KIF26A: variants seen among roughly 807,000 people sequenced by gnomAD.
KIF26A encodes the protein kinesin-like protein KIF26A.
KIF26A carries 74 observed loss-of-function variants against 126.0 expected under a neutral mutation model. The ratio of observed to expected loss-of-function variants is 0.59; its 90% CI spans 0.49 to 0.71. KIF26A has a LOEUF of 0.71. Ranked by LOEUF, KIF26A falls within the 30% of genes least tolerant of loss-of-function variation. KIF26A has a pLI of 0.00. For synonymous variants in KIF26A, 1,445 were observed against 1,232.7 expected (o/e 1.17, Z -3.61); for missense variants, 2,984 against 2,763.3 (o/e 1.08, Z -1.79).
Position 104,177,522 on chromosome 14 carries a change from A to G in KIF26A, c.4734A>G (p.Arg1578=), listed in dbSNP as rs2487300. 631,050 of 1,535,344 alleles carry G rather than the reference A, an allele frequency of 0.41. 134,336 individuals are homozygous for G. The highest frequency in any genetic ancestry group is 0.7 in the African/African-American group (50,792 of 72,848). The part of the protein sequence containing the change: ...HELSASGAPG[R]GGSSWGSADS... The stretch of plus-strand genomic sequence containing the variant: ...TGTCAGCCAGTGGAGCCCCGGGCCG[A>G]GGTGGCTCCTCGTGGGGCTCGGCGG... Residue 1578 remains arginine, a synonymous_variant, in exon 12 of 15, where the codon CGA becomes CGG. Coordinates refer to ENST00000423312, the MANE Select transcript of KIF26A (RefSeq NM_015656.2).
chr14:104,165,117 C>G (rs955949882), intron 4 of KIF26A, among the ~76,000 whole-genome samples: 5 of 145,546 alleles, frequency 3.4e-5, no homozygotes, highest in Non-Finnish European at 7.5e-5. Flanking sequence ...GTGTGTGTGT[C>G]TCTGCATGTA....
chr14:104,167,306 G>A (rs569246094), intron 5 of KIF26A, among the ~76,000 whole-genome samples: 21 of 152,072 alleles, frequency 1.4e-4, no homozygotes, highest in Non-Finnish European at 1.8e-4. Context: ...TTCAGCGTGG[G>A]GCGGGACAGC....
chr14:104,161,353 A>G (rs2037831194), intron 4 of KIF26A, among the ~76,000 whole-genome samples: 1 of 152,126 alleles, frequency 6.6e-6, no homozygotes, highest in South Asian at 2.1e-4. Context: ...CGCACGGCCC[A>G]GTGTGGAAGC....
rs2037735999 is a variant in KIF26A at position 104,152,207 on chromosome 14, C to T, written c.481C>T (p.Leu161Phe). The change falls in exon 3 of 15, where the codon CTC (leucine) becomes TTC (phenylalanine). Residue 161 changes from leucine (L) to phenylalanine (F), a missense_variant. Transcript: ENST00000423312. This position sits in a 1 kb window ranked among gnomAD's most constrained non-coding sequence, Gnocchi z 5.9. ...TGACGCCCCCCATGGAGGCCCCAGC[C>T]TCGCACCCCCCAGCACCACGACCAG... Reference protein sequence around the residue: ...DLDAPHGGPSLAPPSTTTSSR... With the variant: ...DLDAPHGGPSFAPPSTTTSSR... 3 of 1,603,006 alleles carry T rather than the reference C, an allele frequency of 1.9e-6. No individual in the cohort carries two copies. Among genetic ancestry groups the T allele is most frequent in the South Asian group, 1.1e-5 (1 of 89,640 alleles).
In KIF26A at chr14:104,173,441, C is replaced by T. The variant is rs1264284842; in HGVS notation, c.1795C>T (p.Arg599Ter). The change falls in exon 9 of 15, where the codon CGA becomes TGA. Residue 599 changes from arginine to a stop codon, truncating the protein, a stop_gained. Coordinates refer to ENST00000423312, the MANE Select transcript of KIF26A (RefSeq NM_015656.2). LOFTEE classifies it high-confidence loss of function. ...CCGAGCGGGCTGTGGCGAGGACGCC[C>T]GACGCAGCTCCCACATGTTGTTCAC... is the stretch of plus-strand genomic sequence containing the variant. ...TSRAGCGEDA[R>*]RSSHMLFTLH... is the part of the protein sequence containing the mutation. The T allele has an allele frequency of 1.9e-6, 3 of 1,585,812 alleles. No homozygotes were observed. Among genetic ancestry groups the T allele is most frequent in the Non-Finnish European group, 2.6e-6 (3 of 1,166,220 alleles).
intron 5 of KIF26A, among the ~76,000 whole-genome samples, chr14:104,170,536 C>T (rs1057287848): frequency 2.6e-5 from 4 of 152,262 alleles, no homozygotes; most frequent in Non-Finnish European, 1.5e-5. Flanking sequence ...AAAATATTGG[C>T]TCTGAAATGA....
intron 2 of KIF26A, among the ~76,000 whole-genome samples, chr14:104,146,738 G>A (rs2037683646): frequency 6.6e-6 from 1 of 152,188 alleles, no homozygotes; most frequent in Admixed American, 6.5e-5. Flanking sequence ...TTTGATCTCA[G>A]AGTTAAACCA....
In KIF26A at chr14:104,178,445, A is replaced by G. The variant is rs2141121845; in HGVS notation, c.5111-105A>G. ...TGAGGATTCCTGGACTGGATCCCGA[A>G]GGCCTCCCTGTCAGGACTCGGGCCG... On this transcript the variant is annotated intron_variant, in intron 12 of 14. Transcript: ENST00000423312. 4.7e-6 allele frequency: 4 copies of G among 847,424 alleles called. No homozygotes were observed. The East Asian group carries it at 1.2e-4, about 26-fold the overall frequency. 52.5% of individuals were successfully genotyped at this position (847,424 alleles called of 1,614,324 possible).
intron 12 of KIF26A, among the ~76,000 whole-genome samples, 174 bp from the exon 13 acceptor site, chr14:104,178,376 G>C (rs1252077289): frequency 1.3e-5 from 2 of 152,112 alleles, no homozygotes; most frequent in African/African-American, 2.4e-5. Flanking sequence ...CTGTGGGCCT[G>C]GCTTGGGGTC....
At chr14:104,162,270 T>G (rs1338919523) in intron 4 of KIF26A, among the ~76,000 whole-genome samples, 1 of 152,054 alleles carries the variant, frequency 6.6e-6, no homozygotes, top group East Asian at 1.9e-4. Flanking sequence ...GGTCAGATTG[T>G]GGGGTGGAGA....
Position 104,172,654 on chromosome 14 carries a change from G to T in KIF26A, c.1406G>T (p.Gly469Val), listed in dbSNP as rs1328627744. ...SGADGCIFSF[G>V]HMSLGKSYTM... ...GCTGATGGCTGCATTTTTTCCTTTG[G>T]CCACATGAGCCTGGGTAAGCACCCT... The change falls in exon 7 of 15, where the codon GGC (glycine) becomes GTC (valine). Residue 469 changes from glycine to valine, a missense_variant. Coordinates refer to ENST00000423312, the MANE Select transcript of KIF26A (RefSeq NM_015656.2). 1 of 1,612,722 alleles carries T rather than the reference G, an allele frequency of 6.2e-7. No individual in the cohort carries two copies. The highest frequency in any genetic ancestry group is 1.7e-5 in the Admixed American group (1 of 59,986).
Position 104,179,749 on chromosome 14 carries a change from G to A in KIF26A, c.5608G>A (p.Ala1870Thr), listed in dbSNP as rs2038080900. Residue 1870 changes from alanine to threonine, a missense_variant, in exon 15 of 15, where the codon GCC (alanine) becomes ACC (threonine). Ala to Thr is a moderately conservative substitution (Grantham distance 58). Transcript: ENST00000423312. ...MVTCFDISVA[A>T]SAAIPGPQEV... ...CACCTGCTTCGACATCAGCGTTGCAGCCAGTGCTGCCATCCCGGGGCCGCA... is the reference window on the plus strand; with the variant it reads ...CACCTGCTTCGACATCAGCGTTGCAACCAGTGCTGCCATCCCGGGGCCGCA... 6.4e-7 allele frequency: 1 copy of A among 1,553,160 alleles called. No homozygotes were observed. Among genetic ancestry groups the A allele is most frequent in the Non-Finnish European group, 8.7e-7 (1 of 1,149,190 alleles).
rs1326098560 is a variant in KIF26A, at chr14:104,171,939, C to T, written c.1326+4C>T. ...CTTCCCCCAGGACTCCGAGCAGGTA[C>T]GGGCAGGCGGACTGGGCGTCCTCCC... On this transcript the variant is annotated splice_donor_region_variant and intron_variant, in intron 6 of 14. Transcript: ENST00000423312. The T allele has an allele frequency of 4.5e-6, 7 of 1,549,944 alleles. No individual in the cohort carries two copies. The highest frequency in any genetic ancestry group is 2.4e-5 in the East Asian group (1 of 40,954).
rs192051506 is a variant in KIF26A at position 104,141,724 on chromosome 14, G to A, written c.288+2436G>A. On this transcript the variant is annotated intron_variant, in intron 2 of 14. Coordinates refer to ENST00000423312, the MANE Select transcript of KIF26A (RefSeq NM_015656.2). ...AGGGAGGCGTAGAGGGTCGGGCCCA[G>A]CCTGCCAGGGTCTCCTTGAATGTGT... is the stretch of plus-strand genomic sequence containing the variant. Among the ~76,000 whole-genome samples, 20 of 152,168 alleles carry A rather than the reference G, an allele frequency of 1.3e-4. 1 individual carries two copies. In the East Asian group the frequency reaches 3.7e-3, roughly 28 times the overall value.
Position 104,179,799 on chromosome 14 carries a change from G to T in KIF26A, c.*9G>T. Reference sequence around the variant, plus strand: ...AGGAGGTGGACGTCTGAGGCTGGGCGCCGGACAAGAGGAGGGGGCGTGCAG... The same window carrying T: ...AGGAGGTGGACGTCTGAGGCTGGGCTCCGGACAAGAGGAGGGGGCGTGCAG... On this transcript the variant is annotated 3_prime_UTR_variant, in exon 15 of 15. Coordinates refer to ENST00000423312, the MANE Select transcript of KIF26A (RefSeq NM_015656.2). The T allele has an allele frequency of 6.6e-7, 1 of 1,517,688 alleles. No homozygotes were observed. The highest frequency in any genetic ancestry group is 8.8e-7 in the Non-Finnish European group (1 of 1,132,604). 94.0% of individuals were successfully genotyped at this position (1,517,688 alleles called of 1,614,324 possible).
intron 4 of KIF26A, among the ~76,000 whole-genome samples, chr14:104,161,693 G>A (rs1024520610): frequency 6.6e-6 from 1 of 152,184 alleles, no homozygotes; most frequent in African/African-American, 2.4e-5. Flanking sequence ...CCCCCTGCTG[G>A]CAGGGACATA....
chr14:104,178,152 T>A (rs1435509869), intron 12 of KIF26A, among the ~76,000 whole-genome samples: 1 of 151,966 alleles, frequency 6.6e-6, no homozygotes, highest in Non-Finnish European at 1.5e-5. Context: ...GGGGGGCTGA[T>A]CCTGGTCTGT....
chr14:104,171,231 C>T (rs1014263811), intron 5 of KIF26A, among the ~76,000 whole-genome samples: 1 of 152,244 alleles, frequency 6.6e-6, no homozygotes, highest in Admixed American at 6.5e-5. Flanking sequence ...GGCAGCCATG[C>T]CCCTGGATGG....
At chr14:104,172,758 A>G in intron 7 of KIF26A, 90 bp downstream of exon 7, 6 of 1,163,954 alleles carry the variant, frequency 5.2e-6, no homozygotes, top group Non-Finnish European at 7.4e-6. Flanking sequence ...CTGATGGGAA[A>G]GGAGGCTGGT....
Sources: allele counts gnomAD v4.1 joint callset (sites outside exome capture counted in the v4.1 genomes callset), GRCh38; gene constraint gnomAD v4.1.1; non-coding constraint Gnocchi (gnomAD v3.1); transcripts MANE v1.5; gene names NCBI Gene and HGNC (gene_info 2026-07-23, HGNC 2026-07-21).